TIAM2: variants seen among roughly 807,000 people sequenced by gnomAD.
The protein encoded by TIAM2 is rho guanine nucleotide exchange factor TIAM2.
Under a neutral mutation model 152.9 loss-of-function variants are expected in TIAM2, and 80 were observed. That is an observed-to-expected ratio of 0.52 (90% CI 0.44 to 0.63). The LOEUF (loss-of-function observed/expected upper bound fraction) is 0.63, where lower values mean the gene tolerates loss of function less well. Ranked by LOEUF, TIAM2 falls within the 30% of genes least tolerant of loss-of-function variation. The pLI is 0.00. For synonymous variants in TIAM2, 804 were observed against 838.0 expected, an observed-to-expected ratio of 0.96 and a Z score of 0.70; for missense variants, 1,965 against 2,120.1, an observed-to-expected ratio of 0.93 and a Z score of 1.44.
intron 2 of TIAM2, among the ~76,000 whole-genome samples, chr6:155,110,313 C>CA: frequency 1.1e-5 from 1 of 90,354 alleles, no homozygotes; most frequent in Non-Finnish European, 2.2e-5. Context: ...TTTCCTCTTT[C>CA]TTTTCTTTTT....
At chr6:155,061,586 C>A (rs1777580355) in intron 1 of TIAM2, among the ~76,000 whole-genome samples, 1 of 152,184 alleles carries the variant, frequency 6.6e-6, no homozygotes, top group East Asian at 1.9e-4. Flanking sequence ...CAGCTTGTAC[C>A]TCTGATGCAA....
At chr6:155,137,681 T>G in intron 5 of TIAM2, 69 bp downstream of exon 5, 1 of 1,474,978 alleles carries the variant, frequency 6.8e-7, no homozygotes, top group South Asian at 1.4e-5. Context: ...TGCCAGGAAG[T>G]GCCAAGAGAC....
At position 155,222,617 on chromosome 6, in the gene TIAM2, CAAA is replaced by C. The variant is rs916300239; in HGVS notation, c.3168+11320_3168+11322del. Among the ~76,000 whole-genome samples the C allele has an allele frequency of 1.6e-3, 110 of 67,636 alleles. 1 individual carries two copies. The highest frequency in any genetic ancestry group is 9.2e-3 in the African/African-American group (110 of 11,892). The allele number at this position is 67,636 out of a possible 152,430, so 44.4% of individuals were successfully genotyped here. ...CTCTGTTTCAAAAACAAAAAACAAA[CAAA>C]AAAAAAAAACACAAAAAAAACCATG... On this transcript the variant is annotated intron_variant, in intron 15 of 26. Coordinates refer to ENST00000682666, the MANE Select transcript of TIAM2 (RefSeq NM_012454.4).
chr6:155,216,170 A>T (rs1223046821), intron 15 of TIAM2, among the ~76,000 whole-genome samples: 2 of 151,786 alleles, frequency 1.3e-5, no homozygotes, highest in Non-Finnish European at 2.9e-5. Flanking sequence ...GTGTGCTGGG[A>T]GTGGATTTTT....
At chr6:155,223,869 G>C (rs1019349877) in intron 15 of TIAM2, among the ~76,000 whole-genome samples, 1 of 152,160 alleles carries the variant, frequency 6.6e-6, no homozygotes. Context: ...CAGCAAATTA[G>C]CTAAGCCCTT....
At chr6:154,999,121 C>T (rs1454812510) in intron 1 of TIAM2, among the ~76,000 whole-genome samples, 1 of 151,918 alleles carries the variant, frequency 6.6e-6, no homozygotes, top group Non-Finnish European at 1.5e-5. Flanking sequence ...TCTTAAATGC[C>T]ATAAAAAGTA....
chr6:155,257,620 T>C lies in TIAM2; in HGVS notation c.*499T>C. ...GATGCTGTTTATACTAAACATGTCATAACTATCTATACAGTATATATTAAA... is the reference window on the plus strand; with the variant it reads ...GATGCTGTTTATACTAAACATGTCACAACTATCTATACAGTATATATTAAA... On this transcript the variant is annotated 3_prime_UTR_variant, in exon 27 of 27. Transcript: ENST00000682666. The C allele has an allele frequency of 1.8e-6, 1 of 553,924 alleles. No homozygotes were observed. Among genetic ancestry groups the C allele is most frequent in the Non-Finnish European group, 3.1e-6 (1 of 317,876 alleles). The allele number at this position is 553,924 out of a possible 1,614,324, so 34.3% of individuals were successfully genotyped here.
intron 10 of TIAM2, among the ~76,000 whole-genome samples, chr6:155,177,309 A>G (rs1562343143): frequency 6.6e-6 from 1 of 152,234 alleles, no homozygotes; most frequent in Non-Finnish European, 1.5e-5. Context: ...GTGTTATAAG[A>G]AGGCGGCATA....
chr6:155,077,044 G>A (rs1029919260), intron 1 of TIAM2, among the ~76,000 whole-genome samples: 13 of 152,164 alleles, frequency 8.5e-5, no homozygotes, highest in African/African-American at 2.2e-4. Context: ...CATACATAAC[G>A]TTTATGAATA....
At chr6:155,029,456 T>TATATACTATATATTATATATA (rs1776757720) in intron 1 of TIAM2, among the ~76,000 whole-genome samples, 1 of 11,614 alleles carries the variant, frequency 8.6e-5, no homozygotes, top group South Asian at 3.9e-3. Context: ...TAGTATATAT[T>TATATACTATATATTATATATA]ATATATAATA....
intron 1 of TIAM2, among the ~76,000 whole-genome samples, chr6:155,001,446 T>G (rs1161182852): frequency 6.6e-6 from 1 of 152,224 alleles, no homozygotes; most frequent in Non-Finnish European, 1.5e-5. Flanking sequence ...AAAGCTTTTA[T>G]TTTTTGTGAA....
chr6:155,204,835 C>T (rs1021030401), intron 14 of TIAM2, among the ~76,000 whole-genome samples: 1 of 152,150 alleles, frequency 6.6e-6, no homozygotes, highest in African/African-American at 2.4e-5. Context: ...GAATAGCACA[C>T]ACTGGGTAAT....
At chr6:155,216,098 C>T (rs975574588) in intron 15 of TIAM2, among the ~76,000 whole-genome samples, 9 of 152,128 alleles carry the variant, frequency 5.9e-5, no homozygotes, top group Non-Finnish European at 8.8e-5. Context: ...TGTGAGTCAC[C>T]GTACCCAGTC....
At chr6:155,039,142 T>C (rs1162216126) in intron 1 of TIAM2, among the ~76,000 whole-genome samples, 2 of 151,552 alleles carry the variant, frequency 1.3e-5, no homozygotes, top group Admixed American at 6.6e-5. Context: ...CATTTTTTTG[T>C]GTGGAGACGG....
chr6:155,179,430 C>G lies in TIAM2; in HGVS notation c.2681C>G (p.Thr894Arg). Residue 894 changes from threonine to arginine, a missense_variant, in exon 12 of 27, where the codon ACG becomes AGG. Coordinates refer to ENST00000682666, the MANE Select transcript of TIAM2 (RefSeq NM_012454.4). Reference sequence around the variant, plus strand: ...CTAAATGTTTATGACGTGCAGCTCACGAAGACTGGGAGTGTGTGTGACTTT... The same window carrying G: ...CTAAATGTTTATGACGTGCAGCTCAGGAAGACTGGGAGTGTGTGTGACTTT... Reference protein sequence around the residue: ...FPLNVYDVQLTKTGSVCDFGF... With the variant: ...FPLNVYDVQLRKTGSVCDFGF... 4 of 1,613,436 alleles carry G rather than the reference C, an allele frequency of 2.5e-6. No individual in the cohort carries two copies. Among genetic ancestry groups the G allele is most frequent in the Non-Finnish European group, 3.4e-6 (4 of 1,179,818 alleles).
At chr6:155,124,284 G>T (rs1779238810) in intron 2 of TIAM2, among the ~76,000 whole-genome samples, 1 of 152,154 alleles carries the variant, frequency 6.6e-6, no homozygotes, top group South Asian at 2.1e-4. Context: ...GATTCCCAAA[G>T]TGCTGGGATT....
At chr6:155,114,210 C>T (rs973798451) in intron 2 of TIAM2, among the ~76,000 whole-genome samples, 11 of 150,712 alleles carry the variant, frequency 7.3e-5, no homozygotes, top group African/African-American at 2.7e-4. Context: ...CGTGCCACCA[C>T]ACCCAGCTAA....
chr6:155,169,838 A>G (rs1336334052), intron 9 of TIAM2, among the ~76,000 whole-genome samples: 1 of 151,020 alleles, frequency 6.6e-6, no homozygotes, highest in Admixed American at 6.6e-5. Flanking sequence ...TTTTTTTTTC[A>G]GATGGAGTCT....
intron 7 of TIAM2, among the ~76,000 whole-genome samples, chr6:155,163,278 G>A (rs77807823): frequency 0.012 from 1,758 of 152,266 alleles, 18 homozygotes; most frequent in Non-Finnish European, 0.018. Flanking sequence ...TTGAGATTGC[G>A]CTCAACAGCT....
Sources: allele counts gnomAD v4.1 joint callset (sites outside exome capture counted in the v4.1 genomes callset), GRCh38; gene constraint gnomAD v4.1.1; transcripts MANE v1.5; gene names NCBI Gene and HGNC (gene_info 2026-07-23, HGNC 2026-07-21).